Variants in ATRNL1 observed in about 807,000 individuals in gnomAD.
The protein encoded by ATRNL1 is attractin-like protein 1.
Under a neutral mutation model 182.7 loss-of-function variants are expected in ATRNL1, and 95 were observed. The ratio of observed to expected loss-of-function variants is 0.52; its 90% CI spans 0.44 to 0.62. The LOEUF (loss-of-function observed/expected upper bound fraction) is 0.62. ATRNL1 is among the 20% of genes least tolerant of loss of function. The pLI, the probability that ATRNL1 is intolerant of heterozygous loss-of-function variation, is 0.00. For synonymous variants in ATRNL1, 576 were observed against 568.3 expected (o/e 1.01, Z -0.19); for missense variants, 1,471 against 1,679.5 (o/e 0.88, Z 2.17).
chr10:115,816,850 A>G (rs117562365), intron 27 of ATRNL1, among the ~76,000 whole-genome samples: 2 of 152,258 alleles, frequency 1.3e-5, no homozygotes, highest in East Asian at 3.9e-4. Context: ...TGCCTCTGAA[A>G]TATTTTAGCA....
chr10:115,764,366 C>T (rs1269390171), intron 27 of ATRNL1, among the ~76,000 whole-genome samples: 1 of 152,102 alleles, frequency 6.6e-6, no homozygotes, highest in Non-Finnish European at 1.5e-5. Context: ...GTTTTACCTT[C>T]TGTGGGTTTG....
At chr10:115,768,675 T>C (rs557377394) in intron 27 of ATRNL1, among the ~76,000 whole-genome samples, 1 of 152,248 alleles carries the variant, frequency 6.6e-6, no homozygotes, top group South Asian at 2.1e-4. Flanking sequence ...GCCAAGTAGG[T>C]GTTTCTTCCT....
intron 8 of ATRNL1, among the ~76,000 whole-genome samples, chr10:115,171,619 C>T (rs968539247): frequency 3.3e-5 from 5 of 151,916 alleles, no homozygotes; most frequent in African/African-American, 7.2e-5. Context: ...TGAAACTATC[C>T]CAGTCTCTTT....
At chr10:115,259,649 T>C (rs1554908177) in intron 10 of ATRNL1, among the ~76,000 whole-genome samples, 1 of 152,156 alleles carries the variant, frequency 6.6e-6, no homozygotes, top group East Asian at 1.9e-4. Context: ...CCCAATGAGA[T>C]GAACCAGGTA....
At chr10:115,576,867 G>A (rs1438065993) in intron 26 of ATRNL1, among the ~76,000 whole-genome samples, 5 of 151,898 alleles carry the variant, frequency 3.3e-5, no homozygotes, top group African/African-American at 1.2e-4. Context: ...TCAGTTTGAG[G>A]TCTTGTGTTT....
intron 19 of ATRNL1, among the ~76,000 whole-genome samples, chr10:115,368,319 C>T (rs1162433210): frequency 2.0e-5 from 3 of 152,196 alleles, no homozygotes; most frequent in Non-Finnish European, 2.9e-5. Flanking sequence ...TTCTTTGACT[C>T]GGAAAGGGAA....
chr10:115,251,150 C>T (rs1554905295), intron 10 of ATRNL1, among the ~76,000 whole-genome samples: 1 of 152,072 alleles, frequency 6.6e-6, no homozygotes, highest in East Asian at 1.9e-4. Flanking sequence ...GTCTGCTATC[C>T]TTTAAGCTTT....
rs546394665 is a variant in ATRNL1, at chr10:115,797,389, A to G, written c.3904-50488A>G. 5.3e-5 allele frequency among the ~76,000 whole-genome samples: 8 copies of G among 152,252 alleles called. No individual in the cohort carries two copies. The South Asian group carries it at 1.7e-3, about 32-fold the overall frequency. On this transcript the variant is annotated intron_variant, in intron 27 of 28. Coordinates refer to ENST00000355044, the MANE Select transcript of ATRNL1 (RefSeq NM_207303.4). ...TTGCAATTTAATTTTACACTCAGGC[A>G]CTGGGATACTCACCAAGCAGGTATC... is the stretch of plus-strand genomic sequence containing the variant.
chr10:115,603,463 T>G (rs1432640881), intron 26 of ATRNL1, among the ~76,000 whole-genome samples: 6 of 152,188 alleles, frequency 3.9e-5, no homozygotes, highest in Non-Finnish European at 7.3e-5. Flanking sequence ...ACGATGCTCC[T>G]AGTACCCATA....
At position 115,632,863 on chromosome 10, in the gene ATRNL1, CTT is replaced by C. The variant is rs1357861823; in HGVS notation, c.3795+83331_3795+83332del. ...TACAAATTCTAGGGCCTCACATTAA[CTT>C]TTTATTTTATTTTATTTTATTTTAT... On this transcript the variant is annotated intron_variant, in intron 26 of 28. Transcript: ENST00000355044. Among the ~76,000 whole-genome samples the C allele has an allele frequency of 5.0e-5, 4 of 79,422 alleles. No homozygotes were observed. In the East Asian group the frequency reaches 4.2e-3, roughly 83 times the overall value. The allele number at this position is 79,422 out of a possible 152,430, so 52.1% of individuals were successfully genotyped here. A position where few individuals can be genotyped will look rare whatever the true frequency, so the allele number is the denominator to read the frequency against.
At chr10:115,840,619 G>A (rs1445788071) in intron 27 of ATRNL1, among the ~76,000 whole-genome samples, 12 of 152,072 alleles carry the variant, frequency 7.9e-5, no homozygotes, top group African/African-American at 2.9e-4. Context: ...CTTGAACCCA[G>A]GCAGTTGGGT....
intron 19 of ATRNL1, among the ~76,000 whole-genome samples, chr10:115,373,122 A>G (rs1554948548): frequency 6.6e-6 from 1 of 151,970 alleles, no homozygotes; most frequent in Non-Finnish European, 1.5e-5. Context: ...TTTATTTTTC[A>G]TAGCTATTAT....
chr10:115,547,686 G>GAAAAC (rs1348020621), intron 25 of ATRNL1, among the ~76,000 whole-genome samples: 2 of 151,918 alleles, frequency 1.3e-5, no homozygotes. Context: ...AAGTATTAAG[G>GAAAAC]AAAACAAAAC....
chr10:115,775,588 A>G (rs1340507128), intron 27 of ATRNL1, among the ~76,000 whole-genome samples: 1 of 152,226 alleles, frequency 6.6e-6, no homozygotes, highest in Non-Finnish European at 1.5e-5. Context: ...TTCAAAATAT[A>G]TAATAAATCT....
intron 5 of ATRNL1, among the ~76,000 whole-genome samples, chr10:115,133,784 C>T (rs1261937542): frequency 3.3e-5 from 5 of 152,158 alleles, no homozygotes; most frequent in Non-Finnish European, 7.3e-5. Flanking sequence ...CAAAATTGAC[C>T]ACATAGTTGG....
chr10:115,374,227 T>C (rs1857541147), intron 19 of ATRNL1, among the ~76,000 whole-genome samples: 3 of 151,850 alleles, frequency 2.0e-5, no homozygotes, highest in Admixed American at 2.0e-4. Flanking sequence ...TTTATATGAA[T>C]CTTTTTTGTG....
chr10:115,405,970 G>T (rs1592606634), intron 20 of ATRNL1, among the ~76,000 whole-genome samples: 2 of 151,206 alleles, frequency 1.3e-5, no homozygotes, highest in East Asian at 3.9e-4. Context: ...GCAATAGTTT[G>T]CTGAGAATGA....
chr10:115,576,549 ATTTACATTC>A, intron 26 of ATRNL1, among the ~76,000 whole-genome samples: 1 of 152,034 alleles, frequency 6.6e-6, no homozygotes, highest in Non-Finnish European at 1.5e-5. Context: ...AGAAATGTCT[ATTTACATTC>A]TTTCCCCTTT....
intron 20 of ATRNL1, among the ~76,000 whole-genome samples, chr10:115,409,636 G>A (rs1845035062): frequency 6.6e-6 from 1 of 152,002 alleles, no homozygotes; most frequent in South Asian, 2.1e-4. Flanking sequence ...GGTAATTTTT[G>A]TCTTGTTTTA....
Sources: gnomAD v4.1 joint callset for allele counts (sites outside exome capture counted in the v4.1 genomes callset) on GRCh38, gnomAD v4.1.1 for gene constraint, MANE v1.5 for transcripts, NCBI Gene and HGNC (gene_info 2026-07-23, HGNC 2026-07-21) for gene names.